The following SOS1 variants were observed in gnomAD, a reference collection of about 807,000 sequenced individuals.
SOS1 encodes SOS Ras/Rac guanine nucleotide exchange factor 1.
Under a neutral mutation model 157.6 loss-of-function variants are expected in SOS1, and 25 were observed. The observed-to-expected ratio is 0.16, with a 90% CI of 0.12 to 0.22. SOS1 has a LOEUF of 0.22. Ranked by LOEUF, SOS1 falls within the 10% of genes least tolerant of loss-of-function variation. The pLI is 1.00. For missense variants in SOS1, 1,237 were observed against 1,599.1 expected (o/e 0.77, Z 3.86); for synonymous variants, 528 against 534.0 (o/e 0.99, Z 0.16).
At chr2:38,987,338 T>C in intron 22 of SOS1, 135 bp downstream of exon 22, 1 of 679,632 alleles carries the variant, frequency 1.5e-6, no homozygotes, top group South Asian at 1.6e-5. Context: ...AATCTATATG[T>C]AATCCTTGTT....
chr2:39,111,197 C>G (rs1363431915), intron 1 of SOS1, among the ~76,000 whole-genome samples: 1 of 152,066 alleles, frequency 6.6e-6, no homozygotes, highest in Non-Finnish European at 1.5e-5. Flanking sequence ...TGTGCCACTG[C>G]ACTCCAGCCT....
intron 1 of SOS1, among the ~76,000 whole-genome samples, chr2:39,087,140 G>C (rs534073110): frequency 1.7e-4 from 26 of 152,252 alleles, no homozygotes; most frequent in African/African-American, 6.3e-4. Flanking sequence ...ATAGTATTAT[G>C]CACAAATGGT....
chr2:39,121,463 G>A (rs577192792), upstream of SOS1, among the ~76,000 whole-genome samples: 3 of 152,348 alleles, frequency 2.0e-5, no homozygotes, highest in African/African-American at 7.2e-5. Context: ...CTCAGTATCT[G>A]CTGAGTAGTA....
chr2:39,036,534 G>A (rs376237337), intron 6 of SOS1, among the ~76,000 whole-genome samples: 2 of 151,888 alleles, frequency 1.3e-5, no homozygotes, highest in East Asian at 1.9e-4. Context: ...TGTGTATTTT[G>A]TAGGGACAGG....
At chr2:38,989,057 A>G (rs997583083) in intron 21 of SOS1, among the ~76,000 whole-genome samples, 2 of 152,066 alleles carry the variant, frequency 1.3e-5, no homozygotes, top group African/African-American at 2.4e-5. Context: ...TTAAGAGAGA[A>G]ACAAGGTTTT....
At chr2:39,044,996 G>C (rs1245450026) in intron 6 of SOS1, among the ~76,000 whole-genome samples, 1 of 152,090 alleles carries the variant, frequency 6.6e-6, no homozygotes, top group African/African-American at 2.4e-5. Flanking sequence ...AACCTTCAGA[G>C]GATTCCCTAT....
chr2:39,090,461 C>T (rs1419491962), intron 1 of SOS1, among the ~76,000 whole-genome samples: 3 of 151,886 alleles, frequency 2.0e-5, no homozygotes, highest in South Asian at 2.1e-4. Context: ...TTTGTGAGGC[C>T]GAGGTGGGCG....
At chr2:39,105,333 C>T (rs944939188) in intron 1 of SOS1, among the ~76,000 whole-genome samples, 1 of 151,042 alleles carries the variant, frequency 6.6e-6, no homozygotes, top group African/African-American at 2.4e-5. Flanking sequence ...ACCATGTTGC[C>T]CAGGCTGTCT....
chr2:39,013,808 T>C, intron 12 of SOS1, 59 bp downstream of exon 12: 1 of 1,497,122 alleles, frequency 6.7e-7, no homozygotes, highest in Non-Finnish European at 9.3e-7. Context: ...CCTTATATAC[T>C]TCAACATTGA....
At chr2:39,032,291 C>T (rs1206534310) in intron 8 of SOS1, among the ~76,000 whole-genome samples, 1 of 152,166 alleles carries the variant, frequency 6.6e-6, no homozygotes, top group African/African-American at 2.4e-5. Context: ...ACTCCCCTAC[C>T]CTCCAGCCTC....
chr2:39,063,118 T>G (rs545935229), intron 2 of SOS1, among the ~76,000 whole-genome samples: 2 of 151,858 alleles, frequency 1.3e-5, no homozygotes, highest in African/African-American at 4.8e-5. Flanking sequence ...ACTATTTACA[T>G]AGAATTCAAT....
At chr2:39,030,331 A>G (rs913487817) in intron 8 of SOS1, among the ~76,000 whole-genome samples, 4 of 152,036 alleles carry the variant, frequency 2.6e-5, no homozygotes, top group East Asian at 3.9e-4. Context: ...TCGGAGGCCA[A>G]TGTGGGAAGA....
rs573279511 is a variant in SOS1, at chr2:39,048,854, T to C, written c.864+2290A>G. Among the ~76,000 whole-genome samples, 25 of 152,354 alleles carry C rather than the reference T, an allele frequency of 1.6e-4. 1 individual carries two copies. The South Asian group carries it at 3.7e-3, about 23-fold the overall frequency. On this transcript the variant is annotated intron_variant, in intron 6 of 22. Transcript: ENST00000402219. Reference sequence around the variant, plus strand: ...CTTGAAAATTTTCCATTTTTATCTTTTCAAATATTGTTTCTCCATCACTCT... The same window carrying C: ...CTTGAAAATTTTCCATTTTTATCTTCTCAAATATTGTTTCTCCATCACTCT...
At chr2:39,087,853 A>T (rs554802600) in intron 1 of SOS1, among the ~76,000 whole-genome samples, 2 of 151,754 alleles carry the variant, frequency 1.3e-5, no homozygotes, top group Non-Finnish European at 1.5e-5. Flanking sequence ...TAATTTTTAA[A>T]ATTTTTTTAG....
intron 1 of SOS1, among the ~76,000 whole-genome samples, chr2:39,098,968 C>T (rs1259608889): frequency 6.6e-6 from 1 of 152,174 alleles, no homozygotes; most frequent in East Asian, 1.9e-4. Context: ...ACAGATATTT[C>T]TTCAAACAAG....
At chr2:39,107,897 A>G (rs1003439007) in intron 1 of SOS1, among the ~76,000 whole-genome samples, 1 of 151,850 alleles carries the variant, frequency 6.6e-6, no homozygotes, top group Non-Finnish European at 1.5e-5. Context: ...CCTTGAGGCT[A>G]TACCTGCCTG....
intron 17 of SOS1, among the ~76,000 whole-genome samples, chr2:38,997,728 G>GGAGACCAAGCT (rs1010187178): frequency 1.3e-5 from 2 of 151,182 alleles, no homozygotes; most frequent in Non-Finnish European, 2.9e-5. Flanking sequence ...AAAAAGGGAG[G>GGAGACCAAGCT]GAGACCAAGT....
intron 17 of SOS1, among the ~76,000 whole-genome samples, chr2:39,004,462 ATCAT>A (rs1669221941): frequency 6.6e-6 from 1 of 151,654 alleles, no homozygotes; most frequent in African/African-American, 2.4e-5. Flanking sequence ...AAAAAGTAGA[ATCAT>A]TCAGTAAACC....
intron 1 of SOS1, among the ~76,000 whole-genome samples, chr2:39,094,385 C>T (rs904994561): frequency 6.6e-6 from 1 of 152,058 alleles, no homozygotes; most frequent in Admixed American, 6.6e-5. Context: ...CAGTAGCTCA[C>T]GCCTGTAATC....
Sources: allele counts gnomAD v4.1 joint callset (sites outside exome capture counted in the v4.1 genomes callset), GRCh38; gene constraint gnomAD v4.1.1; transcripts MANE v1.5; gene names NCBI Gene and HGNC (gene_info 2026-07-23, HGNC 2026-07-21).